Variants in EYS observed in about 807,000 individuals in gnomAD.
The protein encoded by EYS is EGF-like photoreceptor maintenance factor, also known as protein eyes shut homolog.
EYS carries 250 observed loss-of-function variants against 282.1 expected under a neutral mutation model. The observed-to-expected ratio is 0.89, with a 90% CI of 0.80 to 0.98. The LOEUF (loss-of-function observed/expected upper bound fraction) is 0.98. Ranked by LOEUF, EYS falls within the 50% of genes least tolerant of loss-of-function variation. The pLI, the probability that EYS is intolerant of heterozygous loss-of-function variation, is 0.00. For missense variants in EYS, 4,016 were observed against 3,709.0 expected, an observed-to-expected ratio of 1.08 and a Z score of -2.15; for synonymous variants, 1,355 against 1,282.9, an observed-to-expected ratio of 1.06 and a Z score of -1.20.
intron 5 of EYS, among the ~76,000 whole-genome samples, chr6:65,430,737 C>T (rs778128393): frequency 2.0e-5 from 3 of 152,150 alleles, no homozygotes; most frequent in Admixed American, 6.5e-5. Context: ...GGCCCCTGTT[C>T]CAGGCCCTAG....
At chr6:64,242,892 TATA>T (rs944170154) in intron 30 of EYS, among the ~76,000 whole-genome samples, 6 of 146,890 alleles carry the variant, frequency 4.1e-5, no homozygotes, top group African/African-American at 7.4e-5. Context: ...TATTAATAAA[TATA>T]ATATATTCAA....
intron 29 of EYS, among the ~76,000 whole-genome samples, chr6:64,374,499 ACTCT>A (rs1772501548): frequency 6.6e-6 from 1 of 152,052 alleles, no homozygotes; most frequent in Non-Finnish European, 1.5e-5. Context: ...GCCCCTGGGC[ACTCT>A]CACTTATTCA....
intron 22 of EYS, among the ~76,000 whole-genome samples, chr6:64,804,448 C>A (rs1764361952): frequency 6.6e-6 from 1 of 152,112 alleles, no homozygotes. Flanking sequence ...CCACAGAAAA[C>A]CACCAAACTC....
chr6:65,184,977 A>G (rs1024991220), intron 12 of EYS, among the ~76,000 whole-genome samples: 1 of 151,452 alleles, frequency 6.6e-6, no homozygotes, highest in African/African-American at 2.4e-5. Context: ...TTGTTCTAGT[A>G]TGTAATAAAA....
intron 31 of EYS, among the ~76,000 whole-genome samples, chr6:64,119,105 T>C (rs1035155296): frequency 2.0e-5 from 3 of 152,130 alleles, no homozygotes; most frequent in African/African-American, 7.2e-5. Context: ...ATTTGAGTGA[T>C]AGAGTTCACT....
intron 2 of EYS, among the ~76,000 whole-genome samples, chr6:65,566,386 A>G (rs565184891): frequency 2.3e-4 from 35 of 151,778 alleles, no homozygotes; most frequent in East Asian, 2.0e-4. Flanking sequence ...AGGGGACAAG[A>G]CCTCGAAAAA....
chr6:64,170,324 A>G (rs1486405715), intron 31 of EYS, among the ~76,000 whole-genome samples: 2 of 152,192 alleles, frequency 1.3e-5, no homozygotes, highest in Non-Finnish European at 2.9e-5. Flanking sequence ...TTTTCTTTAG[A>G]TAAATGTATT....
At chr6:63,736,383 G>T (rs1294933634) in intron 41 of EYS, among the ~76,000 whole-genome samples, 2 of 152,068 alleles carry the variant, frequency 1.3e-5, no homozygotes, top group South Asian at 2.1e-4. Context: ...GTTTGTCAAA[G>T]ATCAGATAGT....
intron 35 of EYS, among the ~76,000 whole-genome samples, chr6:63,965,852 C>A (rs575338485): frequency 6.6e-6 from 1 of 152,092 alleles, no homozygotes; most frequent in Non-Finnish European, 1.5e-5. Context: ...GTAAATATCA[C>A]GAGTGCCAGT....
intron 31 of EYS, among the ~76,000 whole-genome samples, chr6:64,201,287 G>A (rs1765454331): frequency 6.6e-6 from 1 of 151,930 alleles, no homozygotes; most frequent in Admixed American, 6.6e-5. Flanking sequence ...TTGTATTATA[G>A]AGACAGAAGG....
chr6:64,110,259 A>T (rs1224810603), intron 31 of EYS, among the ~76,000 whole-genome samples: 1 of 152,016 alleles, frequency 6.6e-6, no homozygotes, highest in Non-Finnish European at 1.5e-5. Flanking sequence ...TAATATAGAC[A>T]TTGGGGTAAA....
At chr6:64,418,959 C>T (rs1056164194) in intron 28 of EYS, among the ~76,000 whole-genome samples, 2 of 152,098 alleles carry the variant, frequency 1.3e-5, no homozygotes, top group African/African-American at 4.8e-5. Flanking sequence ...TTTCTGCTTC[C>T]AGAAATGTCT....
chr6:64,236,857 T>A (rs1766622390), intron 30 of EYS, among the ~76,000 whole-genome samples: 1 of 151,906 alleles, frequency 6.6e-6, no homozygotes, highest in African/African-American at 2.4e-5. Context: ...GATAGATACC[T>A]AATGTAAATG....
rs139400238 is a variant in EYS, at chr6:63,907,489, A to G, written c.7056-43131T>C. On this transcript the variant is annotated intron_variant, in intron 35 of 42. Transcript: ENST00000503581. ...TCTAACCCTCAAGATCTCCTAAGCC[A>G]GTTTCTGATTTTAGTAATAACATGG... 2.6e-5 allele frequency among the ~76,000 whole-genome samples: 4 copies of G among 152,264 alleles called. No individual in the cohort carries two copies. The East Asian group carries it at 7.7e-4, about 29-fold the overall frequency.
At chr6:64,832,233 A>T (rs1422044870) in intron 19 of EYS, among the ~76,000 whole-genome samples, 1 of 151,966 alleles carries the variant, frequency 6.6e-6, no homozygotes, top group Admixed American at 6.6e-5. Flanking sequence ...ACTAACATTA[A>T]TACTAATACA....
At chr6:64,333,228 T>G (rs1486994788) in intron 29 of EYS, among the ~76,000 whole-genome samples, 1 of 152,162 alleles carries the variant, frequency 6.6e-6, no homozygotes, top group African/African-American at 2.4e-5. Context: ...GAACCCCTAA[T>G]GCTATCATAT....
chr6:64,785,963 A>G (rs1774004057), intron 22 of EYS, among the ~76,000 whole-genome samples: 1 of 152,208 alleles, frequency 6.6e-6, no homozygotes, highest in African/African-American at 2.4e-5. Context: ...CACCAACAAA[A>G]TAAGAATTCC....
intron 29 of EYS, among the ~76,000 whole-genome samples, chr6:64,386,720 T>C (rs966689520): frequency 2.0e-5 from 3 of 152,188 alleles, no homozygotes; most frequent in African/African-American, 7.2e-5. Flanking sequence ...GTCATTAAAA[T>C]TCCAAATTTT....
intron 29 of EYS, among the ~76,000 whole-genome samples, chr6:64,351,298 G>A (rs1381789253): frequency 2.6e-5 from 4 of 151,442 alleles, no homozygotes; most frequent in African/African-American, 9.7e-5. Context: ...TTTTATTTTT[G>A]TCTATTTAAA....
Sources: gnomAD v4.1 joint callset for allele counts (sites outside exome capture counted in the v4.1 genomes callset) on GRCh38, gnomAD v4.1.1 for gene constraint, MANE v1.5 for transcripts, NCBI Gene and HGNC (gene_info 2026-07-23, HGNC 2026-07-21) for gene names.